The following MELK variants were observed in gnomAD, a reference collection of about 807,000 sequenced individuals.
MELK encodes maternal embryonic leucine zipper kinase.
Under a neutral mutation model 85.0 loss-of-function variants are expected in MELK, and 81 were observed. The ratio of observed to expected loss-of-function variants is 0.95; its 90% CI spans 0.80 to 1.15. MELK has a LOEUF of 1.15. Ranked by LOEUF, MELK falls within the 50% of genes most tolerant of loss-of-function variation. The pLI is 0.00. For synonymous variants in MELK, 252 were observed against 265.0 expected (o/e 0.95, Z 0.48); for missense variants, 754 against 777.5 (o/e 0.97, Z 0.36).
intron 5 of MELK, among the ~76,000 whole-genome samples, chr9:36,596,295 G>C (rs184373745): frequency 6.6e-6 from 1 of 151,706 alleles, no homozygotes; most frequent in African/African-American, 2.4e-5. Context: ...TAGAGTGATC[G>C]CCCAGGCTGG....
chr9:36,624,587 A>G (rs1477180662), intron 8 of MELK, among the ~76,000 whole-genome samples: 1 of 152,250 alleles, frequency 6.6e-6, no homozygotes. Flanking sequence ...AGCAAAGCAC[A>G]GGGGAATCTA....
intron 14 of MELK, among the ~76,000 whole-genome samples, chr9:36,666,591 T>G (rs953926445): frequency 1.3e-3 from 191 of 152,312 alleles, no homozygotes; most frequent in African/African-American, 4.1e-3. Context: ...AGTTTCAAGA[T>G]TCTAACAAAC....
intron 8 of MELK, among the ~76,000 whole-genome samples, chr9:36,611,371 G>T (rs1826035860): frequency 6.6e-6 from 1 of 152,152 alleles, no homozygotes. Context: ...TCTGACCCTT[G>T]TTGCTTGTTT....
intron 9 of MELK, among the ~76,000 whole-genome samples, chr9:36,631,728 C>T (rs1398620208): frequency 6.6e-6 from 1 of 152,126 alleles, no homozygotes; most frequent in Admixed American, 6.6e-5. Context: ...GTATACACCA[C>T]CACACCTGAC....
intron 14 of MELK, 35 bp downstream of exon 14, chr9:36,665,616 C>A: frequency 6.7e-7 from 1 of 1,498,380 alleles, no homozygotes; most frequent in South Asian, 1.2e-5. Flanking sequence ...TAAGAAGTTT[C>A]ATTTTTCTTA....
intron 7 of MELK, 134 bp from the exon 8 acceptor site, chr9:36,607,441 C>A: frequency 1.5e-6 from 1 of 672,234 alleles, no homozygotes; most frequent in Non-Finnish European, 2.6e-6. Flanking sequence ...ATAGAATAAG[C>A]AGGTTGAAAT....
intron 16 of MELK, among the ~76,000 whole-genome samples, chr9:36,673,220 AT>A (rs1468596718): frequency 2.0e-5 from 3 of 152,134 alleles, no homozygotes; most frequent in Non-Finnish European, 4.4e-5. Context: ...AACAGAGCCA[AT>A]TTAGTTTGGT....
intron 14 of MELK, among the ~76,000 whole-genome samples, chr9:36,666,252 C>G (rs971852499): frequency 5.9e-5 from 9 of 152,190 alleles, no homozygotes; most frequent in Admixed American, 2.0e-4. Context: ...TTTGATCAGA[C>G]TGCCTCTTAG....
Position 36,581,068 on chromosome 9 carries a change from G to T in MELK, c.-38-576G>T, listed in dbSNP as rs926870609. ...TATCATTTGCTTATTTTGCTGTTGA[G>T]TTTTTCTTATTGTTTTGTCAGAGTT... On this transcript the variant is annotated intron_variant, in intron 1 of 17. Transcript: ENST00000298048. Among the ~76,000 whole-genome samples the T allele has an allele frequency of 3.9e-5, 6 of 152,170 alleles. No individual in the cohort carries two copies. In the East Asian group the frequency reaches 5.8e-4, roughly 15 times the overall value.
At chr9:36,600,884 T>C (rs1824849918) in intron 7 of MELK, among the ~76,000 whole-genome samples, 2 of 152,190 alleles carry the variant, frequency 1.3e-5, no homozygotes, top group South Asian at 4.1e-4. Flanking sequence ...TCCGGTGACT[T>C]TTTATTTTGA....
intron 16 of MELK, among the ~76,000 whole-genome samples, chr9:36,672,553 CAGAATGT>C (rs1193500174): frequency 9.9e-5 from 15 of 152,140 alleles, no homozygotes; most frequent in Non-Finnish European, 1.6e-4. Flanking sequence ...CCAGTACTTC[CAGAATGT>C]AGGAGAAAAA....
chr9:36,616,066 C>T (rs971765697), intron 8 of MELK, among the ~76,000 whole-genome samples: 14 of 152,104 alleles, frequency 9.2e-5, no homozygotes, highest in Admixed American at 3.9e-4. Context: ...GCTTCCCGGG[C>T]GGCGCTCGCC....
At chr9:36,601,023 TG>T (rs745664453) in intron 7 of MELK, among the ~76,000 whole-genome samples, 9 of 152,306 alleles carry the variant, frequency 5.9e-5, no homozygotes, top group African/African-American at 1.7e-4. Flanking sequence ...TATATATGCA[TG>T]TTTTTTTTTG....
chr9:36,660,060 A>G (rs1444439201), intron 13 of MELK, among the ~76,000 whole-genome samples: 2 of 152,176 alleles, frequency 1.3e-5, no homozygotes, highest in African/African-American at 2.4e-5. Flanking sequence ...CAGCCTCCCA[A>G]AGTGCTGGGA....
intron 8 of MELK, 172 bp from the exon 9 acceptor site, chr9:36,630,127 G>C (rs2136457976): frequency 1.6e-6 from 1 of 621,178 alleles, no homozygotes; most frequent in East Asian, 2.7e-5. Context: ...CTTCAGGTGT[G>C]AGCCACCACG....
intron 3 of MELK, among the ~76,000 whole-genome samples, chr9:36,587,149 G>A (rs769388491): frequency 2.0e-5 from 3 of 150,986 alleles, no homozygotes; most frequent in Non-Finnish European, 3.0e-5. Flanking sequence ...ACGCCTGGCC[G>A]ATTACTTCCA....
intron 8 of MELK, among the ~76,000 whole-genome samples, chr9:36,624,115 GCT>G (rs1464615808): frequency 1.4e-5 from 2 of 140,502 alleles, no homozygotes; most frequent in Admixed American, 1.5e-4. Context: ...ATGGAGTCTC[GCT>G]CTGTCGCCCA....
rs572026032 is a variant in MELK, at chr9:36,615,452, C to T, written c.666+7779C>T. 1.7e-4 allele frequency among the ~76,000 whole-genome samples: 25 copies of T among 145,190 alleles called. No homozygotes were observed. In the South Asian group the frequency reaches 5.5e-3, roughly 32 times the overall value. On this transcript the variant is annotated intron_variant, in intron 8 of 17. Coordinates refer to ENST00000298048, the MANE Select transcript of MELK (RefSeq NM_014791.4). ...CTGGCCAGGCGGGGGGCTGACCCCC[C>T]CACCTCCCTCCCGGATGGGGCGGCT... is the stretch of plus-strand genomic sequence containing the variant.
At chr9:36,578,733 G>T (rs1351842622) in intron 1 of MELK, among the ~76,000 whole-genome samples, 1 of 152,094 alleles carries the variant, frequency 6.6e-6, no homozygotes, top group Non-Finnish European at 1.5e-5. Flanking sequence ...TACTGGCAGG[G>T]CTGATTTTCT....
Sources: gnomAD v4.1 joint callset for allele counts (sites outside exome capture counted in the v4.1 genomes callset) on GRCh38, gnomAD v4.1.1 for gene constraint, MANE v1.5 for transcripts, NCBI Gene and HGNC (gene_info 2026-07-23, HGNC 2026-07-21) for gene names.